Variants in UBASH3A observed in about 807,000 individuals in gnomAD.
UBASH3A encodes the protein ubiquitin associated and SH3 domain containing A.
A neutral mutation model predicts 73.5 loss-of-function variants in UBASH3A; 63 were observed. The ratio of observed to expected loss-of-function variants is 0.86; its 90% confidence interval spans 0.70 to 1.06. UBASH3A has a LOEUF of 1.06. Among genes scored for constraint, UBASH3A ranks in the 50% least tolerant of loss-of-function variants. UBASH3A has a pLI of 0.00. For synonymous variants in UBASH3A, 363 were observed against 351.1 expected (o/e 1.03, Z -0.38); for missense variants, 860 against 859.0 (o/e 1.00, Z -0.02).
At chr21:42,407,944 C>T (rs1348637472) in intron 2 of UBASH3A, among the ~76,000 whole-genome samples, 2 of 152,214 alleles carry the variant, frequency 1.3e-5, no homozygotes, top group African/African-American at 4.8e-5. Flanking sequence ...ACAAACTTCA[C>T]TAGACACGTG....
chr21:42,408,901 A>T (rs1182849846), intron 2 of UBASH3A, among the ~76,000 whole-genome samples: 7 of 108,854 alleles, frequency 6.4e-5, no homozygotes, highest in South Asian at 2.7e-4. Flanking sequence ...AATAAAATAA[A>T]ATAAAATAAA....
intron 8 of UBASH3A, among the ~76,000 whole-genome samples, chr21:42,428,597 C>T (rs572515218): frequency 2.0e-5 from 3 of 152,232 alleles, no homozygotes; most frequent in African/African-American, 7.2e-5. Flanking sequence ...TTCTGTTTTA[C>T]TCAGCCTAGT....
In UBASH3A at chr21:42,413,529, C is replaced by T; in HGVS notation, c.667+6C>T. 6.2e-7 allele frequency: 1 copy of T among 1,602,592 alleles called. No homozygotes were observed. The highest frequency in any genetic ancestry group is 8.5e-7 in the Non-Finnish European group (1 of 1,170,272). ...CCACTACATCCTTCAAAAATGTAAG[C>T]CATTAGAAAGCTTCCGGACCAGCTT... On this transcript the variant is annotated splice_donor_region_variant and intron_variant, in intron 5 of 14. Transcript: ENST00000319294. The surrounding 1 kb of genome is among the most constrained non-coding windows in gnomAD (Gnocchi z 4.5).
At chr21:42,443,596 G>C (rs564559715) in intron 13 of UBASH3A, among the ~76,000 whole-genome samples, 178 bp downstream of exon 13, 2 of 151,398 alleles carry the variant, frequency 1.3e-5, no homozygotes, top group African/African-American at 2.4e-5. Context: ...GTAACCGGGT[G>C]CACAGACACA....
chr21:42,427,635 C>A (rs2053461194), intron 8 of UBASH3A, among the ~76,000 whole-genome samples: 1 of 152,226 alleles, frequency 6.6e-6, no homozygotes, highest in Admixed American at 6.5e-5. Context: ...GGAGAGCACA[C>A]AGACTCCTAA....
intron 1 of UBASH3A, 36 bp from the exon 2 acceptor site, chr21:42,406,272 C>A: frequency 5.0e-6 from 8 of 1,595,856 alleles, no homozygotes; most frequent in Non-Finnish European, 6.9e-6. Flanking sequence ...CAAGAATGGG[C>A]GACGTGACTT....
At chr21:42,442,079 C>A (rs1601604727) in intron 11 of UBASH3A, among the ~76,000 whole-genome samples, 1 of 152,116 alleles carries the variant, frequency 6.6e-6, no homozygotes, top group African/African-American at 2.4e-5. Flanking sequence ...GTCCATTGAT[C>A]ATTGGATCTG....
chr21:42,434,194 A>T (rs2053586947), intron 9 of UBASH3A, among the ~76,000 whole-genome samples: 1 of 152,116 alleles, frequency 6.6e-6, no homozygotes, highest in Non-Finnish European at 1.5e-5. Flanking sequence ...TTTTTTACTG[A>T]TAAGAGAGAT....
rs1273037746 is a variant in UBASH3A at position 42,404,022 on chromosome 21, A to T, written c.77A>T (p.Glu26Val). Reference sequence around the variant, plus strand: ...AGCCGCAGCAGCCCCTCGCTCCTGGAGCCCCTCCTGGCCATGGGCTTCCCG... The same window carrying T: ...AGCCGCAGCAGCCCCTCGCTCCTGGTGCCCCTCCTGGCCATGGGCTTCCCG... ...LKSRSSPSLL[E>V]PLLAMGFPVH... The change falls in exon 1 of 15, where the codon GAG becomes GTG. Residue 26 changes from glutamate to valine, a missense_variant. Transcript: ENST00000319294. 6.6e-7 allele frequency: 1 copy of T among 1,526,320 alleles called. No homozygotes were observed. The highest frequency in any genetic ancestry group is 2.6e-5 in the East Asian group (1 of 38,990). The allele number at this position is 1,526,320 out of a possible 1,614,324, so 94.5% of individuals were successfully genotyped here.
intron 3 of UBASH3A, among the ~76,000 whole-genome samples, chr21:42,411,320 A>T (rs1046889752): frequency 6.6e-6 from 1 of 151,596 alleles, no homozygotes; most frequent in Non-Finnish European, 1.5e-5. Context: ...CACACACAGG[A>T]ATACACAGAT....
At chr21:42,425,941 T>C (rs2053426880) in intron 7 of UBASH3A, among the ~76,000 whole-genome samples, 1 of 150,954 alleles carries the variant, frequency 6.6e-6, no homozygotes, top group African/African-American at 2.4e-5. Flanking sequence ...TAGTCAGGGT[T>C]CCCCACAGAC....
At position 42,444,644 on chromosome 21, in the gene UBASH3A, G is replaced by T. The variant is rs777192594; in HGVS notation, c.1848+1G>T. On this transcript the variant is annotated splice_donor_variant, in intron 14 of 14. Coordinates refer to ENST00000319294, the MANE Select transcript of UBASH3A (RefSeq NM_018961.4). LOFTEE classifies it high-confidence loss of function. The stretch of plus-strand genomic sequence containing the variant: ...GGATTTTGCCCAACTCGTGAGAAAG[G>T]TACGCGCCCACTCTTGGCTCTTTGG... 1.2e-6 allele frequency: 2 copies of T among 1,610,684 alleles called. No individual in the cohort carries two copies. The highest frequency in any genetic ancestry group is 1.7e-6 in the Non-Finnish European group (2 of 1,176,816).
At chr21:42,442,319 G>T in intron 11 of UBASH3A, 133 bp from the exon 12 acceptor site, 1 of 968,302 alleles carries the variant, frequency 1.0e-6, no homozygotes, top group Non-Finnish European at 1.6e-6. Context: ...TATTTGCCAA[G>T]AAGAAAATCA....
chr21:42,440,435 A>G (rs534165838), intron 11 of UBASH3A, among the ~76,000 whole-genome samples: 34 of 152,246 alleles, frequency 2.2e-4, no homozygotes, highest in Non-Finnish European at 4.0e-4. Context: ...ACCTATAATC[A>G]TAAGATGTGA....
chr21:42,418,464 G>A lies in UBASH3A; in HGVS notation c.901G>A (p.Asp301Asn), dbSNP rs76802616. The change falls in exon 7 of 15, where the codon GAC (aspartate) becomes AAC (asparagine). Residue 301 changes from aspartate to asparagine, a missense_variant. Transcript: ENST00000319294. ...GGATGAGCTGACGCTAAGTCCTGGT[G>A]ACTACATCTTTGTGGACCCCACGCA... Reference protein sequence around the residue: ...NVDELTLSPGDYIFVDPTQQD... With the variant: ...NVDELTLSPGNYIFVDPTQQD... 1 of 1,614,238 alleles carries A rather than the reference G, an allele frequency of 6.2e-7. No homozygotes were observed. The highest frequency in any genetic ancestry group is 1.3e-5 in the African/African-American group (1 of 75,072).
intron 12 of UBASH3A, chr21:42,443,014 G>C: frequency 1.3e-6 from 1 of 780,742 alleles, no homozygotes; most frequent in Non-Finnish European, 1.8e-6. Context: ...TTGAGAAGAA[G>C]GTTCAGAGGA....
intron 10 of UBASH3A, among the ~76,000 whole-genome samples, chr21:42,436,636 C>G (rs1029206302): frequency 6.6e-6 from 1 of 152,190 alleles, no homozygotes; most frequent in Non-Finnish European, 1.5e-5. Context: ...GGTGAGGACT[C>G]TAACATGTTT....
intron 7 of UBASH3A, among the ~76,000 whole-genome samples, chr21:42,420,033 T>C (rs2053305617): frequency 6.6e-6 from 1 of 152,182 alleles, no homozygotes; most frequent in African/African-American, 2.4e-5. Context: ...GAACATCCAC[T>C]GTTTGTTAGA....
rs1184652781 is a variant in UBASH3A, at chr21:42,444,609, G to A, written c.1814G>A (p.Arg605Gln). ...CGGCCACTGCTCGGGCTGCCGCCCCGGGAATGTGGGGATTTTGCCCAACTC... is the reference window on the plus strand; with the variant it reads ...CGGCCACTGCTCGGGCTGCCGCCCCAGGAATGTGGGGATTTTGCCCAACTC... Reference protein sequence around the residue: ...CTRPLLGLPPRECGDFAQLVR... With the variant: ...CTRPLLGLPPQECGDFAQLVR... Residue 605 changes from arginine to glutamine, a missense_variant, in exon 14 of 15, where the codon CGG becomes CAG. Physicochemically the swap from Arg to Gln is conservative, Grantham distance 43. Coordinates refer to ENST00000319294, the MANE Select transcript of UBASH3A (RefSeq NM_018961.4). 5.0e-6 allele frequency: 8 copies of A among 1,614,050 alleles called. No homozygotes were observed. The highest frequency in any genetic ancestry group is 5.1e-6 in the Non-Finnish European group (6 of 1,180,034).
Sources: gnomAD v4.1 joint callset for allele counts (sites outside exome capture counted in the v4.1 genomes callset) on GRCh38, gnomAD v4.1.1 for gene constraint, Gnocchi (gnomAD v3.1) non-coding constraint, MANE v1.5 for transcripts, NCBI Gene and HGNC (gene_info 2026-07-23, HGNC 2026-07-21) for gene names.